The following KDM4C variants were observed in gnomAD, a reference collection of about 807,000 sequenced individuals.
KDM4C encodes lysine demethylase 4C.
KDM4C carries 81 observed loss-of-function variants against 129.3 expected under a neutral mutation model. The observed-to-expected ratio is 0.63, with a 90% CI of 0.52 to 0.75. The LOEUF (loss-of-function observed/expected upper bound fraction) is 0.75. KDM4C is among the 30% of genes least tolerant of loss of function. The pLI is 0.00. For synonymous variants in KDM4C, 573 were observed against 456.1 expected (o/e 1.26, Z -3.26); for missense variants, 1,457 against 1,304.0 (o/e 1.12, Z -1.81).
At chr9:6,834,800 C>A (rs1212907721) in intron 4 of KDM4C, 13 of 1,364,506 alleles carry the variant, frequency 9.5e-6, no homozygotes, top group Non-Finnish European at 1.4e-5. Context: ...CAAGGCCAGC[C>A]GCGAGAAGAT....
chr9:6,919,529 ATCTGTCTGTCTGTCTG>A (rs61205193), intron 8 of KDM4C, among the ~76,000 whole-genome samples: 2 of 142,882 alleles, frequency 1.4e-5, no homozygotes, highest in African/African-American at 5.3e-5. Flanking sequence ...TTTCAATTTC[ATCTGTCTGTCTGTCTG>A]TCTATCTATC....
At chr9:6,795,194 G>T (rs1827490268) in intron 2 of KDM4C, among the ~76,000 whole-genome samples, 1 of 152,188 alleles carries the variant, frequency 6.6e-6, no homozygotes, top group South Asian at 2.1e-4. Context: ...TAGTTGAGGA[G>T]AGAGCTTCCA....
chr9:6,765,613 G>A (rs750028545), intron 1 of KDM4C, among the ~76,000 whole-genome samples: 19 of 152,044 alleles, frequency 1.2e-4, no homozygotes, highest in Admixed American at 5.9e-4. Flanking sequence ...GGTGCTCAAC[G>A]AACATTTATT....
At chr9:6,808,232 G>A (rs1409877998) in intron 3 of KDM4C, among the ~76,000 whole-genome samples, 5 of 73,204 alleles carry the variant, frequency 6.8e-5, no homozygotes, top group Non-Finnish European at 1.3e-4. Flanking sequence ...GATGACAATG[G>A]CGGCTTTGTG....
intron 19 of KDM4C, among the ~76,000 whole-genome samples, chr9:7,147,026 A>G (rs562206884): frequency 2.2e-4 from 33 of 152,334 alleles, no homozygotes; most frequent in African/African-American, 7.7e-4. Flanking sequence ...GATTCACTCA[A>G]TATTCACTAG....
At chr9:6,796,658 T>C (rs950056779) in intron 2 of KDM4C, among the ~76,000 whole-genome samples, 1 of 152,214 alleles carries the variant, frequency 6.6e-6, no homozygotes, top group African/African-American at 2.4e-5. Flanking sequence ...AAAACACACC[T>C]GAGTCCAGAC....
chr9:6,767,835 A>G (rs1329394963), intron 1 of KDM4C, among the ~76,000 whole-genome samples: 3 of 152,158 alleles, frequency 2.0e-5, no homozygotes, highest in Admixed American at 1.3e-4. Context: ...CTCTCAGTCT[A>G]TAATATTCAG....
chr9:6,888,487 A>G lies in KDM4C; in HGVS notation c.783+424A>G, dbSNP rs1845618980. Among the ~76,000 whole-genome samples the G allele has an allele frequency of 3.9e-5, 6 of 152,208 alleles. No homozygotes were observed. In the South Asian group the frequency reaches 1.2e-3, roughly 31 times the overall value. On this transcript the variant is annotated intron_variant, in intron 7 of 21. Coordinates refer to ENST00000381309, the MANE Select transcript of KDM4C (RefSeq NM_015061.6). ...TGTAAACACATTTAGACATAATACA[A>G]TCGAGATTTCATTATGGATAAAATT...
At chr9:6,769,629 A>G (rs1160008072) in intron 1 of KDM4C, among the ~76,000 whole-genome samples, 1 of 151,832 alleles carries the variant, frequency 6.6e-6, no homozygotes, top group East Asian at 1.9e-4. Context: ...ACTTTTTTTT[A>G]TAAGAAGGTT....
intron 19 of KDM4C, among the ~76,000 whole-genome samples, chr9:7,139,442 A>C (rs1370058866): frequency 6.6e-6 from 1 of 152,214 alleles, no homozygotes; most frequent in Non-Finnish European, 1.5e-5. Flanking sequence ...TTTAGTCCTT[A>C]TGTTCTAAGC....
chr9:6,872,920 T>G (rs547588159), intron 5 of KDM4C, among the ~76,000 whole-genome samples: 1 of 152,292 alleles, frequency 6.6e-6, no homozygotes, highest in Non-Finnish European at 1.5e-5. Flanking sequence ...CTACCTGTCC[T>G]TTGAAGCTTT....
chr9:6,831,809 A>G (rs1325657059), intron 4 of KDM4C, among the ~76,000 whole-genome samples: 2 of 152,112 alleles, frequency 1.3e-5, no homozygotes, highest in Admixed American at 1.3e-4. Context: ...CTCAGTGATG[A>G]CCGCTGACCT....
intron 8 of KDM4C, among the ~76,000 whole-genome samples, chr9:6,902,997 C>A (rs1005632481): frequency 6.6e-6 from 1 of 151,982 alleles, no homozygotes; most frequent in South Asian, 2.1e-4. Flanking sequence ...GTTTTGTAAT[C>A]CCTTGGAAAA....
At chr9:6,867,182 A>C (rs1331850868) in intron 5 of KDM4C, among the ~76,000 whole-genome samples, 1 of 151,596 alleles carries the variant, frequency 6.6e-6, no homozygotes, top group Non-Finnish European at 1.5e-5. Flanking sequence ...CACCCAGCTA[A>C]TTTTTTGTAT....
chr9:6,789,369 T>C (rs967750737), intron 1 of KDM4C, among the ~76,000 whole-genome samples: 1 of 151,614 alleles, frequency 6.6e-6, no homozygotes, highest in Non-Finnish European at 1.5e-5. Context: ...TATAGACATG[T>C]GCCACCACGC....
At chr9:6,866,124 A>T (rs149132389) in intron 5 of KDM4C, among the ~76,000 whole-genome samples, 1 of 151,044 alleles carries the variant, frequency 6.6e-6, no homozygotes, top group East Asian at 1.9e-4. Context: ...ACCTCAGGTG[A>T]TCCACCTGCC....
At chr9:6,837,533 C>G (rs1220637091) in intron 4 of KDM4C, among the ~76,000 whole-genome samples, 2 of 152,212 alleles carry the variant, frequency 1.3e-5, no homozygotes, top group Non-Finnish European at 2.9e-5. Flanking sequence ...TAATATCTTA[C>G]TACTTGATGT....
chr9:7,029,820 T>C (rs867189103), intron 15 of KDM4C, among the ~76,000 whole-genome samples: 1 of 152,318 alleles, frequency 6.6e-6, no homozygotes, highest in Middle Eastern at 3.4e-3. Context: ...GAATGTAACA[T>C]CCAACTCCCT....
chr9:6,876,599 T>C (rs1273723534), intron 5 of KDM4C, among the ~76,000 whole-genome samples: 1 of 152,202 alleles, frequency 6.6e-6, no homozygotes, highest in African/African-American at 2.4e-5. Flanking sequence ...TGGCATGCTT[T>C]GAAACAGATT....
Sources: allele counts gnomAD v4.1 joint callset (sites outside exome capture counted in the v4.1 genomes callset), GRCh38; gene constraint gnomAD v4.1.1; transcripts MANE v1.5; gene names NCBI Gene and HGNC (gene_info 2026-07-23, HGNC 2026-07-21).